The following PRKD2 variants were observed in gnomAD, a reference collection of about 807,000 sequenced individuals.
PRKD2 encodes protein kinase D2.
PRKD2 carries 22 observed loss-of-function variants against 86.0 expected under a neutral mutation model. The observed-to-expected ratio is 0.26, with a 90% CI of 0.18 to 0.37. The LOEUF (loss-of-function observed/expected upper bound fraction) is 0.37. Among genes scored for constraint, PRKD2 ranks in the 10% least tolerant of loss-of-function variants. PRKD2 has a pLI of 1.00. For missense variants in PRKD2, 818 were observed against 1,199.2 expected (o/e 0.68, Z 4.70); for synonymous variants, 509 against 510.9 (o/e 1.00, Z 0.05).
At chr19:46,698,772 T>A (rs544815273) in intron 7 of PRKD2, among the ~76,000 whole-genome samples, 1 of 152,194 alleles carries the variant, frequency 6.6e-6, no homozygotes, top group African/African-American at 2.4e-5. Flanking sequence ...AGAGATTAAG[T>A]GACTTGCTCA....
chr19:46,710,668 C>T (rs2053792240), intron 3 of PRKD2: 5 of 512,682 alleles, frequency 9.8e-6, no homozygotes, highest in Non-Finnish European at 1.0e-5. Flanking sequence ...CCTACTTGTC[C>T]CTCCCAGCTC....
intron 3 of PRKD2, chr19:46,710,680 A>C (rs1599842517): frequency 7.9e-6 from 4 of 508,532 alleles, no homozygotes; most frequent in South Asian, 3.4e-5. Flanking sequence ...TCCCAGCTCC[A>C]CCTCCTAGGC....
chr19:46,694,488 G>C (rs544741697), intron 9 of PRKD2, among the ~76,000 whole-genome samples: 1 of 152,024 alleles, frequency 6.6e-6, no homozygotes, highest in Admixed American at 6.6e-5. Context: ...CCAGCTAATC[G>C]GGAGGCTGAG....
At chr19:46,697,929 G>T in intron 7 of PRKD2, 79 bp from the exon 8 acceptor site, 1 of 1,111,980 alleles carries the variant, frequency 9.0e-7, no homozygotes, top group Non-Finnish European at 1.4e-6. Flanking sequence ...GGCATCTCTG[G>T]GAAACTAGGG....
chr19:46,705,512 C>A (rs1350827430), intron 3 of PRKD2, among the ~76,000 whole-genome samples: 1 of 152,154 alleles, frequency 6.6e-6, no homozygotes, highest in African/African-American at 2.4e-5. Flanking sequence ...GTGGGCCACG[C>A]ATGGTGGCTC....
At chr19:46,686,415 C>T (rs951321316) in intron 14 of PRKD2, among the ~76,000 whole-genome samples, 14 of 148,160 alleles carry the variant, frequency 9.4e-5, no homozygotes, top group Admixed American at 6.1e-4. Context: ...ATGGGAGGAT[C>T]GCTCGAGCCC....
chr19:46,712,075 G>GA (rs1160536158), intron 2 of PRKD2, among the ~76,000 whole-genome samples: 4,378 of 122,182 alleles, frequency 0.036, 188 homozygotes, highest in African/African-American at 0.1. Flanking sequence ...CTAAAAAAAA[G>GA]AAAAAAAAAA....
chr19:46,689,898 CT>C (rs551202416), intron 13 of PRKD2, among the ~76,000 whole-genome samples, 200 bp from the exon 14 acceptor site: 75 of 152,148 alleles, frequency 4.9e-4, no homozygotes, highest in Non-Finnish European at 8.7e-4. Context: ...CCAGAAGGAT[CT>C]TTTTTTTCTT....
chr19:46,676,588 C>T (rs1280439201), intron 16 of PRKD2, among the ~76,000 whole-genome samples: 1 of 152,200 alleles, frequency 6.6e-6, no homozygotes, highest in African/African-American at 2.4e-5. Context: ...TGATGGGAAG[C>T]CATGAAGGAC....
Position 46,713,665 on chromosome 19 carries a change from A to G in PRKD2, c.379+198T>C, listed in dbSNP as rs115121958. 7.4e-3 allele frequency among the ~76,000 whole-genome samples: 1,117 copies of G among 151,150 alleles called. 10 individuals carry two copies. Among genetic ancestry groups the G allele is most frequent in the African/African-American group, 0.026 (1,081 of 41,154 alleles). ...AAAGGGGTAGAGATGGAATCTCACT[A>G]TGTTGCCCAGGCTGATCTCGAACTC... On this transcript the variant is annotated intron_variant, in intron 2 of 17. Transcript: ENST00000291281.
intron 14 of PRKD2, among the ~76,000 whole-genome samples, chr19:46,682,288 G>A (rs2053319604): frequency 6.6e-6 from 1 of 152,130 alleles, no homozygotes; most frequent in South Asian, 2.1e-4. Context: ...TTACAGGCGT[G>A]AGCCACCGGG....
At chr19:46,715,749 C>T (rs1187311443) in intron 1 of PRKD2, among the ~76,000 whole-genome samples, 1 of 151,874 alleles carries the variant, frequency 6.6e-6, no homozygotes, top group Non-Finnish European at 1.5e-5. Context: ...ATGGCCAGCC[C>T]GGGTTCAATT....
chr19:46,716,551 A>C lies in PRKD2; in HGVS notation c.-181T>G, dbSNP rs767491046. On this transcript the variant is annotated 5_prime_UTR_variant, in exon 1 of 18. Coordinates refer to ENST00000291281, the MANE Select transcript of PRKD2 (RefSeq NM_016457.5). The surrounding 1 kb of genome is among the most constrained non-coding windows in gnomAD (Gnocchi z 7.9). Reference sequence around the variant, plus strand: ...TGGCGGGGTCCTGGGAAGGAGAGAAAGGCACTATAGTGGGTCAGAGGCCCG... The same window carrying C: ...TGGCGGGGTCCTGGGAAGGAGAGAACGGCACTATAGTGGGTCAGAGGCCCG... The C allele has an allele frequency of 1.3e-3, 611 of 466,494 alleles. 3 individuals carry two copies. The highest frequency in any genetic ancestry group is 1.8e-3 in the Non-Finnish European group (467 of 266,272). The allele number at this position is 466,494 out of a possible 1,614,324, so 28.9% of individuals were successfully genotyped here.
At chr19:46,695,790 G>A (rs1017721478) in intron 9 of PRKD2, among the ~76,000 whole-genome samples, 1 of 151,880 alleles carries the variant, frequency 6.6e-6, no homozygotes. Context: ...AAAACCAGGT[G>A]ATGACATGGA....
intron 5 of PRKD2, 88 bp from the exon 6 acceptor site, chr19:46,701,200 A>C: frequency 3.6e-6 from 5 of 1,373,916 alleles, no homozygotes; most frequent in Non-Finnish European, 5.2e-6. Flanking sequence ...CCTCAGGCTC[A>C]AAAGAGTCTA....
intron 16 of PRKD2, chr19:46,677,453 C>G (rs570450324): frequency 6.6e-6 from 1 of 152,242 alleles, no homozygotes; most frequent in Admixed American, 6.6e-5. Flanking sequence ...TGATCCCCCC[C>G]CTTCCCATAC....
intron 3 of PRKD2, 45 bp downstream of exon 3, chr19:46,710,862 G>T (rs1194955742): frequency 1.3e-6 from 2 of 1,516,302 alleles, no homozygotes; most frequent in Non-Finnish European, 1.8e-6. Context: ...CGCCCCCGGT[G>T]CAGAGCCCCG....
chr19:46,706,114 C>T (rs181265852), intron 3 of PRKD2, among the ~76,000 whole-genome samples: 34 of 152,298 alleles, frequency 2.2e-4, no homozygotes, highest in Admixed American at 2.1e-3. Context: ...ATCCTCCCAC[C>T]TCAGCCTCCC....
chr19:46,681,016 T>G (rs1307086537), intron 15 of PRKD2, among the ~76,000 whole-genome samples: 1 of 140,454 alleles, frequency 7.1e-6, no homozygotes, highest in African/African-American at 2.6e-5. Flanking sequence ...TGCAGTGGCG[T>G]GATCTCGGCT....
Sources: gnomAD v4.1 joint callset for allele counts (sites outside exome capture counted in the v4.1 genomes callset) on GRCh38, gnomAD v4.1.1 for gene constraint, Gnocchi (gnomAD v3.1) non-coding constraint, MANE v1.5 for transcripts, NCBI Gene and HGNC (gene_info 2026-07-23, HGNC 2026-07-21) for gene names.